AFF3: variants seen among roughly 807,000 people sequenced by gnomAD.
The protein encoded by AFF3 is ALF transcription elongation factor 3.
AFF3 carries 32 observed loss-of-function variants against 129.7 expected under a neutral mutation model. That is an observed-to-expected ratio of 0.25 (90% CI 0.19 to 0.33). The LOEUF is 0.33. AFF3 is among the 10% of genes least tolerant of loss of function. The probability of loss-of-function intolerance (pLI) is 1.00; values close to 1 mark genes in which losing one functional copy is unlikely to be tolerated. For synonymous variants in AFF3, 644 were observed against 635.4 expected (o/e 1.01, Z -0.20); for missense variants, 1,373 against 1,592.0 (o/e 0.86, Z 2.34).
At chr2:99,741,399 A>G (rs1209301833) in intron 10 of AFF3, among the ~76,000 whole-genome samples, 1 of 152,188 alleles carries the variant, frequency 6.6e-6, no homozygotes, top group African/African-American at 2.4e-5. Context: ...ACGTACAAAA[A>G]TCACAAGCAT....
intron 7 of AFF3, among the ~76,000 whole-genome samples, chr2:99,975,792 G>T (rs1224338539): frequency 1.4e-5 from 1 of 73,330 alleles, no homozygotes; most frequent in Non-Finnish European, 2.5e-5. Flanking sequence ...CACCCTACTA[G>T]ATTATAACAG....
At chr2:99,917,066 C>A (rs901947668) in intron 7 of AFF3, among the ~76,000 whole-genome samples, 5 of 152,222 alleles carry the variant, frequency 3.3e-5, no homozygotes, top group Admixed American at 6.5e-5. Flanking sequence ...ACTGAGCCCA[C>A]TGTACAGGCA....
intron 7 of AFF3, among the ~76,000 whole-genome samples, chr2:99,972,268 A>G (rs1313811108): frequency 6.6e-6 from 1 of 152,230 alleles, no homozygotes; most frequent in African/African-American, 2.4e-5. Context: ...GAGATCTCAG[A>G]GGTCACAGGA....
chr2:99,918,461 G>T (rs1391839909), intron 7 of AFF3, among the ~76,000 whole-genome samples: 1 of 152,164 alleles, frequency 6.6e-6, no homozygotes, highest in Admixed American at 6.5e-5. Context: ...CAGAGTAACA[G>T]ATCAAGTCAC....
rs553580043 is a variant in AFF3, at chr2:99,707,244, G to A, written c.1091+19833C>T. The A allele has an allele frequency of 2.6e-4, 258 of 985,356 alleles. No individual in the cohort carries two copies. In the Middle Eastern group the frequency reaches 4.2e-3, roughly 16 times the overall value. 61.0% of individuals were successfully genotyped at this position (985,356 alleles called of 1,614,324 possible). Reference sequence around the variant, plus strand: ...TCTCCTACAGAACAGTGTCATATCTGTGACATGTCCAAGATTAAAGGAAGA... The same window carrying A: ...TCTCCTACAGAACAGTGTCATATCTATGACATGTCCAAGATTAAAGGAAGA... On this transcript the variant is annotated intron_variant, in intron 11 of 24. Transcript: ENST00000672756.
rs114957095 is a variant in AFF3, at chr2:99,902,740, G to A, written c.874-65216C>T. On this transcript the variant is annotated intron_variant, in intron 7 of 24. Transcript: ENST00000672756. ...ATAAAGTAATTAAATTGATTTTAAC[G>A]AAGAATAAAACACAAAGAAAAAACA... 7.8e-3 allele frequency among the ~76,000 whole-genome samples: 1,189 copies of A among 152,076 alleles called. 12 individuals carry two copies. Among genetic ancestry groups the A allele is most frequent in the African/African-American group, 0.027 (1,136 of 41,518 alleles).
intron 7 of AFF3, among the ~76,000 whole-genome samples, chr2:99,905,531 A>C (rs914916516): frequency 6.6e-6 from 1 of 152,196 alleles, no homozygotes; most frequent in African/African-American, 2.4e-5. Flanking sequence ...AATGCCAAGG[A>C]GGAACCACAC....
intron 10 of AFF3, among the ~76,000 whole-genome samples, chr2:99,742,001 G>C (rs1680760378): frequency 1.3e-5 from 2 of 152,122 alleles, no homozygotes; most frequent in African/African-American, 4.8e-5. Context: ...AGAATTCTCA[G>C]ACTTAATAGG....
intron 13 of AFF3, among the ~76,000 whole-genome samples, chr2:99,603,839 G>C (rs1241930342): frequency 6.6e-6 from 1 of 152,132 alleles, no homozygotes; most frequent in Non-Finnish European, 1.5e-5. Flanking sequence ...CACTTCAAAA[G>C]AAGACATACA....
At chr2:100,114,407 A>G (rs1349355627) in intron 2 of AFF3, among the ~76,000 whole-genome samples, 2 of 151,886 alleles carry the variant, frequency 1.3e-5, no homozygotes, top group East Asian at 1.9e-4. Flanking sequence ...TCTGAGACAG[A>G]GTCTCGTTCT....
chr2:99,572,575 G>A (rs1009791186), intron 18 of AFF3: 6 of 455,364 alleles, frequency 1.3e-5, no homozygotes, highest in Admixed American at 4.7e-5. Context: ...TCCTCGGCGC[G>A]GCAGAAATTG....
At chr2:99,887,095 G>C (rs111495548) in intron 7 of AFF3, among the ~76,000 whole-genome samples, 3 of 152,312 alleles carry the variant, frequency 2.0e-5, no homozygotes, top group Admixed American at 2.0e-4. Context: ...TCTGCCCTCT[G>C]TTGGGGGCAA....
chr2:99,749,931 G>A (rs1006404332), intron 9 of AFF3, among the ~76,000 whole-genome samples: 21 of 152,166 alleles, frequency 1.4e-4, no homozygotes, highest in Non-Finnish European at 2.9e-4. Flanking sequence ...CAGTGATGGG[G>A]TGAATGGGCT....
At position 100,071,675 on chromosome 2, in the gene AFF3, G is replaced by A. The variant is rs1050181731; in HGVS notation, c.53+32727C>T. Among the ~76,000 whole-genome samples, 6 of 152,132 alleles carry A rather than the reference G, an allele frequency of 3.9e-5. No individual in the cohort carries two copies. The East Asian group carries it at 7.7e-4, about 20-fold the overall frequency. On this transcript the variant is annotated intron_variant, in intron 4 of 24. Transcript: ENST00000672756. ...AGCACCTTTAAATTGCTGGCATGGCGATTGGTGGGAGCTAGAAGGGGTACC... is the reference window on the plus strand; with the variant it reads ...AGCACCTTTAAATTGCTGGCATGGCAATTGGTGGGAGCTAGAAGGGGTACC...
intron 4 of AFF3, among the ~76,000 whole-genome samples, chr2:100,087,883 A>G (rs879029637): frequency 4.2e-5 from 6 of 142,946 alleles, no homozygotes; most frequent in Non-Finnish European, 9.6e-5. Context: ...AGATTAAAGT[A>G]TATTAAAGTA....
intron 12 of AFF3, among the ~76,000 whole-genome samples, chr2:99,650,515 T>C (rs1422106280): frequency 2.0e-5 from 3 of 152,014 alleles, no homozygotes; most frequent in Non-Finnish European, 4.4e-5. Flanking sequence ...GCCAAGATCA[T>C]GCCACTGCAC....
chr2:100,016,439 TGTG>T (rs1683080588), intron 4 of AFF3, among the ~76,000 whole-genome samples: 1 of 146,154 alleles, frequency 6.8e-6, no homozygotes, highest in South Asian at 2.2e-4. Context: ...GTGGTGGTGA[TGTG>T]GTGGTGGAGA....
At chr2:99,692,109 G>A (rs1465016621) in intron 11 of AFF3, among the ~76,000 whole-genome samples, 1 of 152,234 alleles carries the variant, frequency 6.6e-6, no homozygotes, top group African/African-American at 2.4e-5. Flanking sequence ...GGTCAGAAGA[G>A]CTTTGCTCAA....
At chr2:99,970,194 T>C (rs111504898) in intron 7 of AFF3, among the ~76,000 whole-genome samples, 11 of 152,310 alleles carry the variant, frequency 7.2e-5, no homozygotes, top group African/African-American at 2.6e-4. Context: ...AACAACAGAC[T>C]GGGGTTGTCC....
Sources: allele counts gnomAD v4.1 joint callset (sites outside exome capture counted in the v4.1 genomes callset), GRCh38; gene constraint gnomAD v4.1.1; transcripts MANE v1.5; gene names NCBI Gene and HGNC (gene_info 2026-07-23, HGNC 2026-07-21).